The following SLC16A7 variants were observed in gnomAD, a reference collection of about 807,000 sequenced individuals.
SLC16A7 encodes monocarboxylate transporter 2.
Under a neutral mutation model 34.9 loss-of-function variants are expected in SLC16A7, and 33 were observed. The observed-to-expected ratio is 0.94, with a 90% CI of 0.72 to 1.26. The LOEUF is 1.26. Among genes scored for constraint, SLC16A7 ranks in the 50% most tolerant of loss-of-function variants. SLC16A7 has a pLI of 0.00. For synonymous variants in SLC16A7, 201 were observed against 206.6 expected, an observed-to-expected ratio of 0.97 and a Z score of 0.23; for missense variants, 573 against 578.1, an observed-to-expected ratio of 0.99 and a Z score of 0.09.
In SLC16A7 at chr12:59,781,359, T is replaced by C. The variant is rs574404518; in HGVS notation, c.*1680T>C. On this transcript the variant is annotated 3_prime_UTR_variant, in exon 6 of 6. Coordinates refer to ENST00000547379, the MANE Select transcript of SLC16A7 (RefSeq NM_001270623.2). ...AAGATGTCAAAGGGAATTAGCCATT[T>C]TTTTTATTGTAATAAAGGCAGGTGC... 1.3e-5 allele frequency: 2 copies of C among 152,720 alleles called. No individual in the cohort carries two copies. The highest frequency in any genetic ancestry group is 4.8e-5 in the African/African-American group (2 of 41,574). 9.5% of individuals were successfully genotyped at this position (152,720 alleles called of 1,614,324 possible). A position where few individuals can be genotyped will look rare whatever the true frequency, so the allele number is the denominator to read the frequency against.
At chr12:59,601,981 T>A (rs1463174257) in intron 1 of SLC16A7, among the ~76,000 whole-genome samples, 1 of 152,148 alleles carries the variant, frequency 6.6e-6, no homozygotes, top group Non-Finnish European at 1.5e-5. Flanking sequence ...TTTCTATAAG[T>A]CAGTGGCTTT....
intron 2 of SLC16A7, among the ~76,000 whole-genome samples, chr12:59,668,245 T>A: frequency 6.6e-6 from 1 of 151,996 alleles, no homozygotes; most frequent in East Asian, 1.9e-4. Flanking sequence ...GAATGGTAGA[T>A]CCACCAACAG....
intron 1 of SLC16A7, among the ~76,000 whole-genome samples, chr12:59,601,161 T>C (rs1376566211): frequency 2.6e-5 from 4 of 152,202 alleles, no homozygotes; most frequent in Admixed American, 6.5e-5. Context: ...AGAAAGCATT[T>C]TATTATAAGC....
intron 1 of SLC16A7, among the ~76,000 whole-genome samples, chr12:59,629,862 CTT>C (rs1880100297): frequency 6.6e-6 from 1 of 151,842 alleles, no homozygotes; most frequent in South Asian, 2.1e-4. Context: ...TCTGTTTTCT[CTT>C]TTGAATTTTT....
intron 2 of SLC16A7, among the ~76,000 whole-genome samples, chr12:59,691,322 T>C (rs1871622854): frequency 6.6e-6 from 1 of 151,962 alleles, no homozygotes; most frequent in Non-Finnish European, 1.5e-5. Context: ...TACAAGTGGA[T>C]TTTTAAAAGA....
chr12:59,638,691 C>T (rs2137003252), intron 1 of SLC16A7, among the ~76,000 whole-genome samples: 1 of 152,190 alleles, frequency 6.6e-6, no homozygotes, highest in East Asian at 1.9e-4. Context: ...TCTCTGTTAG[C>T]TGTTTTGGCC....
Position 59,780,958 on chromosome 12 carries a change from C to T in SLC16A7, c.*1279C>T, listed in dbSNP as rs1336452857. ...TTCTGCCCTCTACTGATGAGACTTC[C>T]TGCTGCCTTTGGACATAACTAAGCC... On this transcript the variant is annotated 3_prime_UTR_variant, in exon 6 of 6. Transcript: ENST00000547379. 2 of 152,160 alleles carry T rather than the reference C, an allele frequency of 1.3e-5. No individual in the cohort carries two copies. The highest frequency in any genetic ancestry group is 2.4e-5 in the African/African-American group (1 of 41,442). The allele number at this position is 152,160 out of a possible 1,614,324, so 9.4% of individuals were successfully genotyped here. A position where few individuals can be genotyped will look rare whatever the true frequency, so the allele number is the denominator to read the frequency against.
intron 3 of SLC16A7, chr12:59,720,224 A>T (rs1875412679): frequency 1.8e-6 from 1 of 545,268 alleles, no homozygotes. Context: ...TTACTTATGT[A>T]TTTATAGTTG....
At chr12:59,682,590 T>C (rs1870826094) in intron 2 of SLC16A7, among the ~76,000 whole-genome samples, 1 of 152,170 alleles carries the variant, frequency 6.6e-6, no homozygotes, top group East Asian at 1.9e-4. Flanking sequence ...GATTTTCCTT[T>C]CTTAGAAATG....
chr12:59,773,606 C>A (rs1463630828), intron 4 of SLC16A7, among the ~76,000 whole-genome samples: 2 of 150,516 alleles, frequency 1.3e-5, no homozygotes, highest in African/African-American at 5.0e-5. Flanking sequence ...TGCTCTGTCG[C>A]CAGGCTGGAG....
Position 59,761,172 on chromosome 12 carries a change from T to C in SLC16A7, c.218-10047T>C, listed in dbSNP as rs1351882301. On this transcript the variant is annotated intron_variant, in intron 3 of 5. Transcript: ENST00000547379. ...GATCTTCACATCCTTGAGGATTCAGTGCAGCTTTACTCAATCAGGATCATG... is the reference window on the plus strand; with the variant it reads ...GATCTTCACATCCTTGAGGATTCAGCGCAGCTTTACTCAATCAGGATCATG... 6 of 1,283,922 alleles carry C rather than the reference T, an allele frequency of 4.7e-6. No individual in the cohort carries two copies. The Admixed American group carries it at 1.4e-4, about 30-fold the overall frequency. The allele number at this position is 1,283,922 out of a possible 1,614,324, so 79.5% of individuals were successfully genotyped here.
At chr12:59,732,851 T>C (rs930882888) in intron 3 of SLC16A7, among the ~76,000 whole-genome samples, 2 of 152,112 alleles carry the variant, frequency 1.3e-5, no homozygotes, top group African/African-American at 4.8e-5. Flanking sequence ...AAAGAGAAGG[T>C]GTTATATGAA....
chr12:59,778,225 T>C (rs1421775309), intron 5 of SLC16A7, among the ~76,000 whole-genome samples: 1 of 152,052 alleles, frequency 6.6e-6, no homozygotes, highest in Non-Finnish European at 1.5e-5. Context: ...ATTGTAGAAA[T>C]AGAAATATTT....
chr12:59,666,175 G>C (rs1042415704), intron 2 of SLC16A7, among the ~76,000 whole-genome samples: 13 of 152,036 alleles, frequency 8.6e-5, no homozygotes, highest in African/African-American at 3.1e-4. Flanking sequence ...CAAACTCTCT[G>C]TTTACTTGCT....
At chr12:59,755,089 G>T (rs968025920) in intron 3 of SLC16A7, among the ~76,000 whole-genome samples, 2 of 152,128 alleles carry the variant, frequency 1.3e-5, no homozygotes, top group African/African-American at 4.8e-5. Context: ...AATAAATTAG[G>T]TATTGATGGG....
intron 1 of SLC16A7, among the ~76,000 whole-genome samples, chr12:59,638,142 TA>T (rs1225135406): frequency 6.6e-6 from 1 of 152,108 alleles, no homozygotes; most frequent in African/African-American, 2.4e-5. Context: ...TGTAACTGGA[TA>T]AAAGTATGGG....
intron 3 of SLC16A7, among the ~76,000 whole-genome samples, chr12:59,733,300 C>G (rs902894790): frequency 1.4e-4 from 21 of 152,270 alleles, no homozygotes; most frequent in East Asian, 9.7e-4. Flanking sequence ...GAGCAAGGTG[C>G]AAAGCGGCGA....
chr12:59,652,291 A>G (rs947366570), intron 1 of SLC16A7, among the ~76,000 whole-genome samples: 1 of 152,056 alleles, frequency 6.6e-6, no homozygotes, highest in African/African-American at 2.4e-5. Context: ...TATTTCCCCT[A>G]TTATATCATA....
Position 59,703,929 on chromosome 12 carries a change from C to T in SLC16A7, c.-30-843C>T, listed in dbSNP as rs145673277. Among the ~76,000 whole-genome samples the T allele has an allele frequency of 1.5e-3, 230 of 151,636 alleles. 1 individual carries two copies. The Middle Eastern group carries it at 0.017, about 11-fold the overall frequency. On this transcript the variant is annotated intron_variant, in intron 2 of 5. Coordinates refer to ENST00000547379, the MANE Select transcript of SLC16A7 (RefSeq NM_001270623.2). ...TTTTAAAAATAGTGGGGGCTGGATG[C>T]GGTGGCTCACACCCGTAATCCCAAC... is the stretch of plus-strand genomic sequence containing the variant.
Sources: gnomAD v4.1 joint callset for allele counts (sites outside exome capture counted in the v4.1 genomes callset) on GRCh38, gnomAD v4.1.1 for gene constraint, MANE v1.5 for transcripts, NCBI Gene and HGNC (gene_info 2026-07-23, HGNC 2026-07-21) for gene names.